EPM2A: variants seen among roughly 807,000 people sequenced by gnomAD.
EPM2A encodes laforin.
Under a neutral mutation model 26.5 loss-of-function variants are expected in EPM2A, and 21 were observed. The observed-to-expected ratio is 0.79, with a 90% CI of 0.56 to 1.14. EPM2A has a LOEUF of 1.14. Among genes scored for constraint, EPM2A ranks in the 50% most tolerant of loss-of-function variants. EPM2A has a pLI of 0.00. For synonymous variants in EPM2A, 217 were observed against 177.6 expected (o/e 1.22, Z -1.76); for missense variants, 458 against 440.8 (o/e 1.04, Z -0.35).
intron 2 of EPM2A, among the ~76,000 whole-genome samples, chr6:145,618,647 T>G (rs182352225): frequency 9.8e-5 from 15 of 152,330 alleles, no homozygotes; most frequent in Admixed American, 9.2e-4. Flanking sequence ...TGTTTGCTTC[T>G]CCTTCTGCGA....
intron 2 of EPM2A, among the ~76,000 whole-genome samples, chr6:145,580,894 C>A (rs1344823079): frequency 1.3e-5 from 2 of 152,056 alleles, no homozygotes; most frequent in African/African-American, 4.8e-5. Context: ...GTATCTGTAC[C>A]ATATTTTCTT....
intron 2 of EPM2A, among the ~76,000 whole-genome samples, chr6:145,614,582 C>T (rs962062585): frequency 6.6e-6 from 1 of 152,152 alleles, no homozygotes; most frequent in Non-Finnish European, 1.5e-5. Flanking sequence ...CACTTGAGCA[C>T]TTAGAGGGTA....
rs1395851463 is a variant in EPM2A at position 145,385,089 on chromosome 6, A to G, written c.556-992T>C. 2.0e-5 allele frequency among the ~76,000 whole-genome samples: 3 copies of G among 148,146 alleles called. 1 individual carries two copies. Among genetic ancestry groups the G allele is most frequent in the African/African-American group, 7.5e-5 (3 of 40,002 alleles). The stretch of plus-strand genomic sequence containing the variant: ...TAGAATAAATAAAAGTACATTCAGA[A>G]TTATACAAAATGATAAGAATTTTTC... On this transcript the variant is annotated intron_variant, in intron 4 of 4. Coordinates refer to the EPM2A transcript ENST00000638717.
At chr6:145,450,537 C>A (rs1330529128) in intron 4 of EPM2A, among the ~76,000 whole-genome samples, 2 of 152,106 alleles carry the variant, frequency 1.3e-5, no homozygotes, top group African/African-American at 2.4e-5. Context: ...ACCTTTCATC[C>A]TTTTGGGTGA....
At chr6:145,690,372 C>T (rs376680424) in intron 1 of EPM2A, among the ~76,000 whole-genome samples, 226 of 150,980 alleles carry the variant, frequency 1.5e-3, no homozygotes, top group African/African-American at 5.2e-3. Context: ...TAGCCGGGTG[C>T]GGTGGCGGGC....
intron 4 of EPM2A, among the ~76,000 whole-genome samples, chr6:145,433,472 A>G (rs546489379): frequency 6.6e-6 from 1 of 151,746 alleles, no homozygotes; most frequent in Admixed American, 6.6e-5. Context: ...TTTTGGATTT[A>G]TTTTTCTAAT....
At chr6:145,645,273 CTTATG>C (rs1277633218) in intron 2 of EPM2A, among the ~76,000 whole-genome samples, 1 of 152,134 alleles carries the variant, frequency 6.6e-6, no homozygotes, top group Admixed American at 6.5e-5. Context: ...ACATTTCCAT[CTTATG>C]TTATGCAAAT....
At chr6:145,394,987 C>T (rs752561496) in intron 4 of EPM2A, among the ~76,000 whole-genome samples, 1 of 152,200 alleles carries the variant, frequency 6.6e-6, no homozygotes, top group African/African-American at 2.4e-5. Flanking sequence ...CTTGCTCCAC[C>T]AGCTGGCCCT....
At chr6:145,530,933 T>C (rs1325724252) in intron 2 of EPM2A, among the ~76,000 whole-genome samples, 1 of 152,144 alleles carries the variant, frequency 6.6e-6, no homozygotes, top group Non-Finnish European at 1.5e-5. Context: ...AGCTTGCTCT[T>C]GTAGCTCCTC....
chr6:145,449,013 T>C (rs1779164454), intron 4 of EPM2A, among the ~76,000 whole-genome samples: 1 of 152,206 alleles, frequency 6.6e-6, no homozygotes, highest in Non-Finnish European at 1.5e-5. Context: ...GTGCTTCATA[T>C]CTATTTTCTT....
In EPM2A at chr6:145,688,165, A is replaced by C. The variant is rs150381255; in HGVS notation, c.302-1869T>G. 1.7e-3 allele frequency among the ~76,000 whole-genome samples: 254 copies of C among 152,302 alleles called. 2 individuals carry two copies. The highest frequency in any genetic ancestry group is 5.9e-3 in the African/African-American group (245 of 41,574). On this transcript the variant is annotated intron_variant, in intron 1 of 3. Coordinates refer to ENST00000367519, the MANE Select transcript of EPM2A (RefSeq NM_005670.4). ...TTTGAAATATTCTAAGCAGGCATGT[A>C]ACATAACCAGATTTTATTTTAAGGA...
chr6:145,716,174 G>A (rs543721864), intron 1 of EPM2A, among the ~76,000 whole-genome samples: 142 of 152,198 alleles, frequency 9.3e-4, no homozygotes, highest in African/African-American at 3.1e-3. Context: ...AGAATTTTGC[G>A]GAATTTTTTT....
chr6:145,424,425 G>A (rs1422744883), intron 4 of EPM2A, among the ~76,000 whole-genome samples: 2 of 152,206 alleles, frequency 1.3e-5, no homozygotes, highest in African/African-American at 4.8e-5. Context: ...TATTCATAAA[G>A]ATAAGTTATA....
chr6:145,490,124 T>C lies in EPM2A; in HGVS notation c.555+12398A>G, dbSNP rs2114740751. 3 of 1,160,898 alleles carry C rather than the reference T, an allele frequency of 2.6e-6. No homozygotes were observed. In the East Asian group the frequency reaches 7.0e-5, roughly 27 times the overall value. 71.9% of individuals were successfully genotyped at this position (1,160,898 alleles called of 1,614,324 possible). A position where few individuals can be genotyped will look rare whatever the true frequency, so the allele number is the denominator to read the frequency against. Reference sequence around the variant, plus strand: ...TTGTTATATAATAGTCATTGATATGTCACAGGTTCAGTTTGCACACGTTTC... The same window carrying C: ...TTGTTATATAATAGTCATTGATATGCCACAGGTTCAGTTTGCACACGTTTC... On this transcript the variant is annotated intron_variant, in intron 4 of 4. Transcript: ENST00000638717.
At chr6:145,397,126 T>A (rs75295158) in intron 4 of EPM2A, among the ~76,000 whole-genome samples, 1,862 of 152,300 alleles carry the variant, frequency 0.012, 23 homozygotes, top group African/African-American at 0.04. Context: ...AAACATTGAC[T>A]TTCTCCTTTT....
intron 2 of EPM2A, among the ~76,000 whole-genome samples, chr6:145,664,827 T>C (rs1222048093): frequency 6.6e-6 from 1 of 151,934 alleles, no homozygotes; most frequent in Non-Finnish European, 1.5e-5. Context: ...CAGACCACAG[T>C]GCAATCAAAC....
chr6:145,598,603 A>G (rs557229555), intron 2 of EPM2A, among the ~76,000 whole-genome samples: 1 of 152,266 alleles, frequency 6.6e-6, no homozygotes, highest in African/African-American at 2.4e-5. Context: ...GAAACTCTTA[A>G]GTTTAATTAG....
intron 2 of EPM2A, among the ~76,000 whole-genome samples, chr6:145,651,075 T>C (rs1777849119): frequency 6.6e-6 from 1 of 152,160 alleles, no homozygotes; most frequent in East Asian, 1.9e-4. Flanking sequence ...TTATTCAATA[T>C]GAATAGAAAC....
At chr6:145,612,275 C>A (rs750813099) in intron 2 of EPM2A, among the ~76,000 whole-genome samples, 13 of 151,938 alleles carry the variant, frequency 8.6e-5, no homozygotes, top group Non-Finnish European at 1.6e-4. Context: ...ATGGATCAAA[C>A]AATATTTCAG....
Sources: allele counts gnomAD v4.1 joint callset (sites outside exome capture counted in the v4.1 genomes callset), GRCh38; gene constraint gnomAD v4.1.1; transcripts MANE v1.5; gene names NCBI Gene and HGNC (gene_info 2026-07-23, HGNC 2026-07-21).